Variants in PTPRC observed in about 807,000 individuals in gnomAD.
PTPRC encodes the protein protein tyrosine phosphatase receptor type C.
Under a neutral mutation model 155.9 loss-of-function variants are expected in PTPRC, and 44 were observed. The ratio of observed to expected loss-of-function variants is 0.28; its 90% confidence interval spans 0.22 to 0.36. The LOEUF (loss-of-function observed/expected upper bound fraction) is 0.36. Ranked by LOEUF, PTPRC falls within the 10% of genes least tolerant of loss-of-function variation. The pLI is 1.00. For missense variants in PTPRC, 1,401 were observed against 1,564.6 expected, an observed-to-expected ratio of 0.90 and a Z score of 1.76; for synonymous variants, 525 against 533.1, an observed-to-expected ratio of 0.98 and a Z score of 0.21.
At chr1:198,686,062 A>T (rs758784371) in intron 2 of PTPRC, among the ~76,000 whole-genome samples, 3 of 151,928 alleles carry the variant, frequency 2.0e-5, no homozygotes, top group Non-Finnish European at 2.9e-5. Flanking sequence ...GAAATCTCTG[A>T]TCAGGGACTT....
intron 11 of PTPRC, among the ~76,000 whole-genome samples, chr1:198,711,924 T>C (rs1653331327): frequency 6.6e-6 from 1 of 152,118 alleles, no homozygotes; most frequent in African/African-American, 2.4e-5. Flanking sequence ...GAGATGATAA[T>C]ACTATACATC....
At chr1:198,674,053 A>G (rs1664800811) in intron 2 of PTPRC, among the ~76,000 whole-genome samples, 1 of 152,212 alleles carries the variant, frequency 6.6e-6, no homozygotes, top group Non-Finnish European at 1.5e-5. Context: ...AAGTTTTCCA[A>G]ACAAATTATC....
chr1:198,742,625 G>T (rs1421694468), intron 25 of PTPRC, among the ~76,000 whole-genome samples: 2 of 151,698 alleles, frequency 1.3e-5, no homozygotes, highest in Admixed American at 6.6e-5. Context: ...ACATATATCA[G>T]ATTGGCAAAA....
intron 2 of PTPRC, among the ~76,000 whole-genome samples, chr1:198,658,633 C>G (rs773937314): frequency 3.3e-5 from 5 of 152,074 alleles, no homozygotes; most frequent in Non-Finnish European, 5.9e-5. Context: ...CGGCTCTGTC[C>G]TTTCCTCTCC....
At chr1:198,671,742 G>A (rs923452166) in intron 2 of PTPRC, among the ~76,000 whole-genome samples, 8 of 152,136 alleles carry the variant, frequency 5.3e-5, no homozygotes, top group Non-Finnish European at 1.0e-4. Context: ...CTGTATTGGT[G>A]AATTATATCA....
chr1:198,756,113 A>C lies in PTPRC; in HGVS notation c.3853A>C (p.Ser1285Arg), dbSNP rs2298872. ...KEQAEGSEPTSGTEGPEHSVN... is the reference protein window; with the variant it reads ...KEQAEGSEPTRGTEGPEHSVN... ...ACAGGCTGAAGGTTCTGAACCCACG[A>C]GTGGCACTGAGGGGCCAGAACATTC... Residue 1285 changes from serine to arginine, a missense_variant, in exon 33 of 33, where the codon AGT (serine) becomes CGT (arginine). Transcript: ENST00000442510. 2.6e-4 allele frequency: 413 copies of C among 1,613,402 alleles called. 6 individuals carry two copies. In the East Asian group the frequency reaches 9.1e-3, roughly 36 times the overall value.
rs1655687077 is a variant in PTPRC at position 198,756,671 on chromosome 1, C to A, written c.*490C>A. On this transcript the variant is annotated 3_prime_UTR_variant, in exon 33 of 33. Coordinates refer to ENST00000442510, the MANE Select transcript of PTPRC (RefSeq NM_002838.5). ...ATGACCTCAAGATGTCCTCCTTGTT[C>A]TACTCATATATATCTATCTTATATA... 1 of 164,696 alleles carries A rather than the reference C, an allele frequency of 6.1e-6. No homozygotes were observed. The highest frequency in any genetic ancestry group is 1.5e-4 in the South Asian group (1 of 6,610). 10.2% of individuals were successfully genotyped at this position (164,696 alleles called of 1,614,324 possible).
intron 32 of PTPRC, among the ~76,000 whole-genome samples, chr1:198,754,718 T>C (rs1286668479): frequency 3.3e-5 from 5 of 152,080 alleles, no homozygotes; most frequent in African/African-American, 1.2e-4. Flanking sequence ...ATTTGTGTTG[T>C]GTAACAAACC....
intron 3 of PTPRC, chr1:198,692,959 T>A: frequency 7.6e-6 from 7 of 922,940 alleles, no homozygotes; most frequent in Non-Finnish European, 9.1e-6. Flanking sequence ...ACATAGTACA[T>A]ACAAAATAAG....
At chr1:198,729,742 G>A (rs1487646849) in intron 17 of PTPRC, among the ~76,000 whole-genome samples, 3 of 152,166 alleles carry the variant, frequency 2.0e-5, no homozygotes, top group African/African-American at 4.8e-5. Context: ...ATAGAGGAAA[G>A]CAGATATCTC....
At chr1:198,651,781 T>A (rs1371781965) in intron 2 of PTPRC, among the ~76,000 whole-genome samples, 2 of 151,864 alleles carry the variant, frequency 1.3e-5, no homozygotes, top group Non-Finnish European at 2.9e-5. Context: ...TAAAAGGGAA[T>A]AGTTCAATTT....
In PTPRC at chr1:198,681,835, G is replaced by A. The variant is rs193173449; in HGVS notation, c.74-10512G>A. Among the ~76,000 whole-genome samples, 316 of 152,142 alleles carry A rather than the reference G, an allele frequency of 2.1e-3. 1 individual carries two copies. The highest frequency in any genetic ancestry group is 0.01 in the Middle Eastern group (3 of 294). On this transcript the variant is annotated intron_variant, in intron 2 of 32. Transcript: ENST00000442510. ...ACTTTTGAAATACATTTTTATTGAA[G>A]CAAACACAAATCAATCTGAAATTCA...
At chr1:198,699,491 T>C in intron 4 of PTPRC, 73 bp from the exon 5 acceptor site, 1 of 1,569,164 alleles carries the variant, frequency 6.4e-7, no homozygotes, top group East Asian at 2.2e-5. Flanking sequence ...AATTTGCTCC[T>C]TATAACCTCT....
Position 198,727,088 on chromosome 1 carries a change from T to C in PTPRC, c.1721-1252T>C, listed in dbSNP as rs186016058. ...GTTGGCCAGGCTGCTCTCAAACTCC[T>C]GGCCTCAAGTGATCCACACGCCTCG... On this transcript the variant is annotated intron_variant, in intron 15 of 32. Coordinates refer to ENST00000442510, the MANE Select transcript of PTPRC (RefSeq NM_002838.5). Among the ~76,000 whole-genome samples the C allele has an allele frequency of 4.9e-3, 753 of 152,166 alleles. 9 individuals carry two copies. Among genetic ancestry groups the C allele is most frequent in the African/African-American group, 0.017 (707 of 41,516 alleles).
chr1:198,655,509 T>C (rs1302270528), intron 2 of PTPRC, among the ~76,000 whole-genome samples: 1 of 152,080 alleles, frequency 6.6e-6, no homozygotes, highest in African/African-American at 2.4e-5. Flanking sequence ...GAAATGAATG[T>C]TGGATTAGGC....
At chr1:198,715,644 G>GAA (rs555130847) in intron 12 of PTPRC, among the ~76,000 whole-genome samples, 1,838 of 145,596 alleles carry the variant, frequency 0.013, 44 homozygotes, top group African/African-American at 0.043. Context: ...ATTTTTTTAA[G>GAA]AAAAAAAAAA....
intron 2 of PTPRC, among the ~76,000 whole-genome samples, chr1:198,654,374 C>A (rs1354281720): frequency 1.3e-5 from 2 of 151,726 alleles, no homozygotes; most frequent in African/African-American, 2.4e-5. Flanking sequence ...TGGATTGAAA[C>A]AACAATGTGA....
chr1:198,701,018 T>C (rs1193165940), intron 5 of PTPRC, among the ~76,000 whole-genome samples: 1 of 152,146 alleles, frequency 6.6e-6, no homozygotes, highest in African/African-American at 2.4e-5. Context: ...ATTTCAAAAC[T>C]CTGCAGAGGG....
intron 2 of PTPRC, among the ~76,000 whole-genome samples, chr1:198,681,471 G>A (rs1328056712): frequency 3.3e-5 from 5 of 152,116 alleles, no homozygotes; most frequent in Non-Finnish European, 7.4e-5. Context: ...GTTTCCTACT[G>A]GTAGGGTCGT....
Sources: allele counts gnomAD v4.1 joint callset (sites outside exome capture counted in the v4.1 genomes callset), GRCh38; gene constraint gnomAD v4.1.1; transcripts MANE v1.5; gene names NCBI Gene and HGNC (gene_info 2026-07-23, HGNC 2026-07-21).